FHIP1A: variants seen among roughly 807,000 people sequenced by gnomAD.
FHIP1A encodes FHF complex subunit HOOK interacting protein 1A, also known as FHF complex subunit HOOK-interacting protein 1A.
A neutral mutation model predicts 88.6 loss-of-function variants in FHIP1A; 61 were observed. The ratio of observed to expected loss-of-function variants is 0.69; its 90% CI spans 0.56 to 0.85. The LOEUF (loss-of-function observed/expected upper bound fraction) is 0.85. Among genes scored for constraint, FHIP1A ranks in the 40% least tolerant of loss-of-function variants. The probability of loss-of-function intolerance (pLI) is 0.00; values close to 1 mark genes in which losing one functional copy is unlikely to be tolerated. For missense variants in FHIP1A, 1,154 were observed against 1,273.5 expected (o/e 0.91, Z 1.43); for synonymous variants, 478 against 496.0 (o/e 0.96, Z 0.48).
chr4:151,643,901 C>T (rs1358459916), intron 9 of FHIP1A, among the ~76,000 whole-genome samples: 5 of 152,062 alleles, frequency 3.3e-5, no homozygotes, highest in Non-Finnish European at 7.4e-5. Flanking sequence ...TTGCAAATTC[C>T]CAATAAGTCT....
chr4:151,446,415 C>G (rs926846701), intron 1 of FHIP1A, among the ~76,000 whole-genome samples: 1 of 151,230 alleles, frequency 6.6e-6, no homozygotes, highest in Non-Finnish European at 1.5e-5. Context: ...ATATACTGTA[C>G]ATATACACAC....
chr4:151,581,410 T>C (rs774594434), intron 5 of FHIP1A, among the ~76,000 whole-genome samples: 1 of 152,224 alleles, frequency 6.6e-6, no homozygotes, highest in Admixed American at 6.5e-5. Flanking sequence ...GTTTCTATTA[T>C]GTTTTATATA....
chr4:151,494,580 A>G, intron 3 of FHIP1A, among the ~76,000 whole-genome samples: 1 of 152,082 alleles, frequency 6.6e-6, no homozygotes, highest in East Asian at 1.9e-4. Flanking sequence ...GTAGCCTTGT[A>G]GTATGGTTTA....
At chr4:151,629,481 G>C (rs1320619347) in intron 7 of FHIP1A, among the ~76,000 whole-genome samples, 1 of 152,114 alleles carries the variant, frequency 6.6e-6, no homozygotes, top group Non-Finnish European at 1.5e-5. Flanking sequence ...GATTCTTTAT[G>C]CCTTTCTTTT....
chr4:151,649,661 G>A lies in FHIP1A; in HGVS notation c.1620G>A (p.Thr540=), dbSNP rs757898713. 1.5e-5 allele frequency: 23 copies of A among 1,551,500 alleles called. 1 individual carries two copies. The highest frequency in any genetic ancestry group is 1.2e-4 in the Admixed American group (6 of 50,978). The change falls in exon 11 of 14, where the codon ACG becomes ACA. Residue 540 remains threonine (T), a synonymous_variant. Coordinates refer to ENST00000435205, the MANE Select transcript of FHIP1A (RefSeq NM_001109977.3). Reference sequence around the variant, plus strand: ...CTGAGATGTTTCTCCAGAGTCTGACGGAGGAGGGCAGTGTGAGCTCGGCCT... The same window carrying A: ...CTGAGATGTTTCTCCAGAGTCTGACAGAGGAGGGCAGTGTGAGCTCGGCCT... ...PDPEMFLQSL[T]EEGSVSSACP... is the part of the protein sequence containing the mutation.
chr4:151,591,224 G>A (rs1347984296), intron 7 of FHIP1A, among the ~76,000 whole-genome samples: 7 of 151,946 alleles, frequency 4.6e-5, no homozygotes, highest in Non-Finnish European at 7.4e-5. Context: ...ATGAGTGGCA[G>A]GACAGGAAAT....
At chr4:151,466,782 A>T (rs1420239534) in intron 2 of FHIP1A, among the ~76,000 whole-genome samples, 3 of 152,226 alleles carry the variant, frequency 2.0e-5, no homozygotes, top group Non-Finnish European at 4.4e-5. Context: ...AGTCACATGC[A>T]GAAAACTGAA....
intron 1 of FHIP1A, among the ~76,000 whole-genome samples, chr4:151,412,561 TCTTTCTTTCTTTCTTTC>T (rs1185490965): frequency 1.6e-4 from 18 of 109,972 alleles, no homozygotes; most frequent in African/African-American, 5.6e-4. Flanking sequence ...TCTTTTTCTT[TCTTTCTTTCTTTCTTTC>T]CTTTCTTTCC....
intron 7 of FHIP1A, among the ~76,000 whole-genome samples, chr4:151,610,193 G>A (rs1041333900): frequency 5.9e-5 from 9 of 152,206 alleles, no homozygotes; most frequent in African/African-American, 2.2e-4. Context: ...TACCTTATAG[G>A]ACTGGTGAAG....
chr4:151,542,874 G>T (rs1838044), intron 3 of FHIP1A, among the ~76,000 whole-genome samples: 1 of 152,184 alleles, frequency 6.6e-6, no homozygotes, highest in Non-Finnish European at 1.5e-5. Context: ...CTGTGCCTTA[G>T]ATTTCTCATC....
At chr4:151,638,825 T>A in intron 9 of FHIP1A, 69 bp downstream of exon 9, 1 of 835,586 alleles carries the variant, frequency 1.2e-6, no homozygotes. Flanking sequence ...TATATTCATA[T>A]ACTTTGTTAT....
At chr4:151,561,115 A>G (rs922404455) in intron 3 of FHIP1A, among the ~76,000 whole-genome samples, 2 of 152,044 alleles carry the variant, frequency 1.3e-5, no homozygotes, top group Non-Finnish European at 2.9e-5. Context: ...AGTTTTAGGT[A>G]TCTTGTTACT....
At chr4:151,443,825 A>G (rs1728498443) in intron 1 of FHIP1A, among the ~76,000 whole-genome samples, 1 of 151,912 alleles carries the variant, frequency 6.6e-6, no homozygotes, top group South Asian at 2.1e-4. Flanking sequence ...AAGCCTTCAC[A>G]AGCCATCTCT....
In FHIP1A at chr4:151,656,830, T is replaced by C; in HGVS notation, c.2801T>C (p.Ile934Thr). 6.4e-7 allele frequency: 1 copy of C among 1,551,670 alleles called. No individual in the cohort carries two copies. Among genetic ancestry groups the C allele is most frequent in the Non-Finnish European group, 8.7e-7 (1 of 1,146,964 alleles). ...SVERDFPGLL[I>T]QAQQYLLFRV... ...GAGAGAGACTTCCCAGGGCTCCTCATTCAAGCTCAGCAGTACCTGCTCTTC... is the reference window on the plus strand; with the variant it reads ...GAGAGAGACTTCCCAGGGCTCCTCACTCAAGCTCAGCAGTACCTGCTCTTC... Residue 934 changes from isoleucine to threonine, a missense_variant, in exon 13 of 14, where the codon ATT becomes ACT. Transcript: ENST00000435205. This position sits in a 1 kb window ranked among gnomAD's most constrained non-coding sequence, Gnocchi z 4.2.
At chr4:151,654,072 G>GTT (rs758206414) in intron 11 of FHIP1A, among the ~76,000 whole-genome samples, 17 of 139,882 alleles carry the variant, frequency 1.2e-4, no homozygotes, top group African/African-American at 2.9e-4. Flanking sequence ...GTTAAGCAGG[G>GTT]TTTTTTTTTT....
At chr4:151,411,094 A>G (rs1412387669) in intron 1 of FHIP1A, among the ~76,000 whole-genome samples, 2 of 152,162 alleles carry the variant, frequency 1.3e-5, no homozygotes, top group Middle Eastern at 3.2e-3. Flanking sequence ...AGGACTTTTA[A>G]TGGAGGACTT....
chr4:151,644,282 C>G (rs1736702989), intron 9 of FHIP1A, among the ~76,000 whole-genome samples: 1 of 148,926 alleles, frequency 6.7e-6, no homozygotes, highest in Non-Finnish European at 1.5e-5. Context: ...AACCCCCAAA[C>G]CCCCCACCCA....
chr4:151,463,994 A>G (rs1193861281), intron 2 of FHIP1A, among the ~76,000 whole-genome samples: 1 of 152,176 alleles, frequency 6.6e-6, no homozygotes, highest in African/African-American at 2.4e-5. Context: ...TCATTCTGAT[A>G]TAGCCTTCTG....
chr4:151,539,887 A>G (rs1418591136), intron 3 of FHIP1A, among the ~76,000 whole-genome samples: 12 of 152,270 alleles, frequency 7.9e-5, no homozygotes, highest in East Asian at 3.8e-4. Flanking sequence ...GCAACTTGCC[A>G]TAAGATATTG....
Sources: allele counts gnomAD v4.1 joint callset (sites outside exome capture counted in the v4.1 genomes callset), GRCh38; gene constraint gnomAD v4.1.1; non-coding constraint Gnocchi (gnomAD v3.1); transcripts MANE v1.5; gene names NCBI Gene and HGNC (gene_info 2026-07-23, HGNC 2026-07-21).